NTM: variants seen among roughly 807,000 people sequenced by gnomAD.
NTM encodes neurotrimin, also known as IgLON family member 2.
NTM carries 13 observed loss-of-function variants against 42.1 expected under a neutral mutation model. The ratio of observed to expected loss-of-function variants is 0.31; its 90% CI spans 0.20 to 0.49. NTM has a LOEUF of 0.49. Among genes scored for constraint, NTM ranks in the 20% least tolerant of loss-of-function variants. The pLI is 0.99. For synonymous variants in NTM, 187 were observed against 179.2 expected (o/e 1.04, Z -0.35); for missense variants, 373 against 452.8 (o/e 0.82, Z 1.60).
chr11:131,623,228 C>A (rs563181524), intron 1 of NTM, among the ~76,000 whole-genome samples: 3 of 152,306 alleles, frequency 2.0e-5, no homozygotes, highest in East Asian at 3.9e-4. Context: ...CGCTGGGTGA[C>A]CTTGAGAAAG....
intron 2 of NTM, among the ~76,000 whole-genome samples, chr11:131,928,411 G>A (rs2058196573): frequency 6.6e-6 from 1 of 152,236 alleles, no homozygotes; most frequent in South Asian, 2.1e-4. Flanking sequence ...CATGTATAGA[G>A]GATGCTGGAA....
At chr11:132,018,866 A>G (rs1192405177) in intron 2 of NTM, among the ~76,000 whole-genome samples, 3 of 151,946 alleles carry the variant, frequency 2.0e-5, no homozygotes, top group Non-Finnish European at 4.4e-5. Context: ...TTTGCCGAAG[A>G]TTTTTCATTG....
At chr11:132,074,590 C>T (rs1181455507) in intron 2 of NTM, among the ~76,000 whole-genome samples, 2 of 151,748 alleles carry the variant, frequency 1.3e-5, no homozygotes, top group Non-Finnish European at 2.9e-5. Flanking sequence ...CCATGTTCAA[C>T]ATACATACAG....
chr11:132,328,143 G>A (rs1264984128), intron 7 of NTM, among the ~76,000 whole-genome samples: 5 of 152,178 alleles, frequency 3.3e-5, no homozygotes, highest in Non-Finnish European at 4.4e-5. Flanking sequence ...AGAGGACAGT[G>A]CCAGCATGTG....
chr11:131,960,918 G>C (rs1441875942), intron 2 of NTM, among the ~76,000 whole-genome samples: 2 of 152,184 alleles, frequency 1.3e-5, no homozygotes, highest in Non-Finnish European at 2.9e-5. Flanking sequence ...GAAATTCACA[G>C]AGATGCGTCA....
rs1284284188 is a variant in NTM at position 132,146,576 on chromosome 11, G to A, written c.400+62G>A. The A allele has an allele frequency of 4.5e-6, 7 of 1,555,036 alleles. No individual in the cohort carries two copies. The highest frequency in any genetic ancestry group is 1.4e-5 in the African/African-American group (1 of 73,572). ...CCAGCCTGGAAAGCCTTCAGGTAAAGGTTTGTTCTCTGATCCTCAACAGAG... is the reference window on the plus strand; with the variant it reads ...CCAGCCTGGAAAGCCTTCAGGTAAAAGTTTGTTCTCTGATCCTCAACAGAG... On this transcript the variant is annotated intron_variant, in intron 3 of 8. Transcript: ENST00000683400. This position sits in a 1 kb window ranked among gnomAD's most constrained non-coding sequence, Gnocchi z 4.5.
chr11:132,153,071 C>T (rs1489518951), intron 3 of NTM, among the ~76,000 whole-genome samples: 2 of 152,190 alleles, frequency 1.3e-5, no homozygotes, highest in Non-Finnish European at 2.9e-5. Flanking sequence ...AACATCTCTC[C>T]AGGTAAGCAG....
At chr11:132,190,284 G>A (rs1451926267) in intron 3 of NTM, among the ~76,000 whole-genome samples, 1 of 152,168 alleles carries the variant, frequency 6.6e-6, no homozygotes, top group African/African-American at 2.4e-5. Flanking sequence ...AGGCCAGGAA[G>A]CTATGTGAGG....
chr11:131,517,862 T>C (rs547895989), intron 1 of NTM, among the ~76,000 whole-genome samples: 6 of 152,320 alleles, frequency 3.9e-5, no homozygotes, highest in Admixed American at 2.6e-4. Context: ...TACCCAATGT[T>C]GCATGGTCCA....
chr11:132,181,031 G>A (rs1040993920), intron 3 of NTM, among the ~76,000 whole-genome samples: 2 of 152,338 alleles, frequency 1.3e-5, no homozygotes, highest in Middle Eastern at 3.4e-3. Context: ...AGTAAGACAA[G>A]TGATTGTGCT....
At chr11:131,604,293 G>A (rs540387731) in intron 1 of NTM, among the ~76,000 whole-genome samples, 5 of 152,134 alleles carry the variant, frequency 3.3e-5, no homozygotes, top group East Asian at 1.9e-4. Context: ...GCATATTTTC[G>A]TGTGGTTATT....
intron 1 of NTM, among the ~76,000 whole-genome samples, chr11:131,446,655 C>T (rs1950080747): frequency 6.6e-6 from 1 of 152,230 alleles, no homozygotes; most frequent in South Asian, 2.1e-4. Flanking sequence ...ACCCACAGCA[C>T]TTGGATCCCA....
At position 131,524,646 on chromosome 11, in the gene NTM, C is replaced by A. The variant is rs117964306; in HGVS notation, c.82+153758C>A. Among the ~76,000 whole-genome samples the A allele has an allele frequency of 9.2e-5, 14 of 152,326 alleles. No homozygotes were observed. In the East Asian group the frequency reaches 2.5e-3, roughly 27 times the overall value. ...AAAGTGTGGTTAATAGTAAGACCTG[C>A]CTGAGTCTGAGACTGGGTTTTCCAG... On this transcript the variant is annotated intron_variant, in intron 1 of 8. Coordinates refer to ENST00000683400, the MANE Select transcript of NTM (RefSeq NM_001352005.2).
At chr11:131,472,798 A>G (rs952225411) in intron 1 of NTM, among the ~76,000 whole-genome samples, 1 of 152,126 alleles carries the variant, frequency 6.6e-6, no homozygotes, top group Non-Finnish European at 1.5e-5. Context: ...GCTGAAAGAC[A>G]CAGCTAGTAA....
intron 1 of NTM, among the ~76,000 whole-genome samples, chr11:131,493,336 C>T (rs1470820269): frequency 2.0e-5 from 3 of 152,160 alleles, no homozygotes; most frequent in Admixed American, 6.5e-5. Flanking sequence ...TGGAACCATA[C>T]ATTAAAGGGA....
intron 1 of NTM, among the ~76,000 whole-genome samples, chr11:131,666,453 C>T (rs1182638472): frequency 6.6e-6 from 1 of 152,160 alleles, no homozygotes; most frequent in African/African-American, 2.4e-5. Context: ...ACCACAAATG[C>T]ACAAGGCGTT....
intron 2 of NTM, among the ~76,000 whole-genome samples, chr11:132,103,542 A>G (rs944362148): frequency 2.6e-5 from 4 of 152,220 alleles, no homozygotes; most frequent in Non-Finnish European, 5.9e-5. Context: ...GCTTCAGGTT[A>G]TATTGTTACG....
At chr11:131,895,948 G>C (rs953845544) in intron 1 of NTM, among the ~76,000 whole-genome samples, 14 of 152,162 alleles carry the variant, frequency 9.2e-5, no homozygotes, top group Non-Finnish European at 2.9e-5. Flanking sequence ...AGGTTGATTG[G>C]GTCCTAGGAT....
Position 132,171,391 on chromosome 11 carries a change from G to T in NTM, c.400+24877G>T, listed in dbSNP as rs115350246. Among the ~76,000 whole-genome samples the T allele has an allele frequency of 9.7e-3, 1,476 of 152,330 alleles. 20 individuals are homozygous for T. Among genetic ancestry groups the T allele is most frequent in the African/African-American group, 0.033 (1,382 of 41,568 alleles). On this transcript the variant is annotated intron_variant, in intron 3 of 8. Coordinates refer to ENST00000683400, the MANE Select transcript of NTM (RefSeq NM_001352005.2). ...CAAGTCCGAGATCAAGGTTCTGGCA[G>T]ATTTGGTGTCTGGCGTGGGCTCACT...
Sources: allele counts gnomAD v4.1 joint callset (sites outside exome capture counted in the v4.1 genomes callset), GRCh38; gene constraint gnomAD v4.1.1; non-coding constraint Gnocchi (gnomAD v3.1); transcripts MANE v1.5; gene names NCBI Gene and HGNC (gene_info 2026-07-23, HGNC 2026-07-21).